CDH4: variants seen among roughly 807,000 people sequenced by gnomAD.
CDH4 encodes cadherin-4.
In CDH4, 33 loss-of-function variants were observed where a neutral mutation model predicts 86.0. The observed-to-expected ratio is 0.38, with a 90% confidence interval of 0.29 to 0.51. The LOEUF (loss-of-function observed/expected upper bound fraction) is 0.51. Ranked by LOEUF, CDH4 falls within the 20% of genes least tolerant of loss-of-function variation. The pLI, the probability that CDH4 is intolerant of heterozygous loss-of-function variation, is 0.86. For missense variants in CDH4, 1,114 were observed against 1,307.4 expected (o/e 0.85, Z 2.28); for synonymous variants, 555 against 549.4 (o/e 1.01, Z -0.14).
At chr20:61,766,719 A>C (rs1445513673) in intron 3 of CDH4, among the ~76,000 whole-genome samples, 1 of 151,858 alleles carries the variant, frequency 6.6e-6, no homozygotes, top group Non-Finnish European at 1.5e-5. Context: ...GGCCCCAAAT[A>C]ATGGTGGTGT....
chr20:61,650,883 T>C (rs1190277588), intron 2 of CDH4, among the ~76,000 whole-genome samples: 1 of 152,254 alleles, frequency 6.6e-6, no homozygotes, highest in Non-Finnish European at 1.5e-5. Flanking sequence ...AACACTTCCA[T>C]ACACAGATTA....
intron 2 of CDH4, among the ~76,000 whole-genome samples, chr20:61,347,266 T>A (rs1246649559): frequency 6.6e-6 from 1 of 152,254 alleles, no homozygotes; most frequent in Non-Finnish European, 1.5e-5. Context: ...GGCTAAATGC[T>A]TGCTCCACAC....
chr20:61,473,111 C>G, intron 2 of CDH4, among the ~76,000 whole-genome samples: 1 of 151,962 alleles, frequency 6.6e-6, no homozygotes, highest in East Asian at 1.9e-4. Context: ...ATTACATCAT[C>G]GAATGTGGAG....
In CDH4 at chr20:61,647,648, C is replaced by A. The variant is rs544635524; in HGVS notation, c.170-95915C>A. On this transcript the variant is annotated intron_variant, in intron 2 of 15. Coordinates refer to ENST00000614565, the MANE Select transcript of CDH4 (RefSeq NM_001794.5). ...CATGGGTGGGGAAGATCTTCCCCAC[C>A]AGGCTGATCCCCATCTGGGAGGCTA... is the stretch of plus-strand genomic sequence containing the variant. Among the ~76,000 whole-genome samples, 3 of 151,050 alleles carry A rather than the reference C, an allele frequency of 2.0e-5. No individual in the cohort carries two copies. In the East Asian group the frequency reaches 6.0e-4, roughly 30 times the overall value.
chr20:61,894,776 G>A lies in CDH4; in HGVS notation c.1051-134G>A, dbSNP rs905978218. ...AGGCTTGGAAAGGGCCCTGCGCCCA[G>A]CACACAGCCCCCAGTGAAAGAGAAC... On this transcript the variant is annotated intron_variant, in intron 7 of 15. Coordinates refer to ENST00000614565, the MANE Select transcript of CDH4 (RefSeq NM_001794.5). 1.8e-5 allele frequency: 17 copies of A among 968,078 alleles called. No homozygotes were observed. The African/African-American group carries it at 2.1e-4, about 12-fold the overall frequency. The allele number at this position is 968,078 out of a possible 1,614,324, so 60.0% of individuals were successfully genotyped here.
At chr20:61,291,034 G>A (rs1022983870) in intron 2 of CDH4, among the ~76,000 whole-genome samples, 2 of 152,020 alleles carry the variant, frequency 1.3e-5, no homozygotes. Flanking sequence ...CTTCCCTCGT[G>A]GGGCATCTGT....
intron 2 of CDH4, among the ~76,000 whole-genome samples, chr20:61,265,014 A>T (rs1238812484): frequency 6.7e-6 from 1 of 149,806 alleles, no homozygotes; most frequent in East Asian, 2.0e-4. Context: ...TCAGTCCTAC[A>T]CATACCCCAG....
chr20:61,936,940 T>C lies in CDH4; in HGVS notation c.2748T>C (p.Asp916=), dbSNP rs755828875. 15 of 1,565,350 alleles carry C rather than the reference T, an allele frequency of 9.6e-6. No homozygotes were observed. The highest frequency in any genetic ancestry group is 1.2e-5 in the Non-Finnish European group (14 of 1,153,838). Residue 916 remains aspartate, a synonymous_variant, in exon 16 of 16, where the codon GAT becomes GAC. Coordinates refer to ENST00000614565, the MANE Select transcript of CDH4 (RefSeq NM_001794.5). Reference sequence around the variant, plus strand: ...ACATGTATGGAGGTGGTGAAGAGGATTGACTGACCTCGCATCTTCGGACCG... The same window carrying C: ...ACATGTATGGAGGTGGTGAAGAGGACTGACTGACCTCGCATCTTCGGACCG... ...LADMYGGGEE[D] is the part of the protein sequence containing the mutation.
At position 61,348,555 on chromosome 20, in the gene CDH4, C is replaced by T. The variant is rs531797964; in HGVS notation, c.169+93618C>T. Among the ~76,000 whole-genome samples the T allele has an allele frequency of 6.6e-5, 10 of 152,226 alleles. No individual in the cohort carries two copies. In the South Asian group the frequency reaches 2.1e-3, roughly 32 times the overall value. ...TTTTTCTCATCTTAAAGCTGAGCTTCCAGTGAGAGCTTCACTTCTGTTCTC... is the reference window on the plus strand; with the variant it reads ...TTTTTCTCATCTTAAAGCTGAGCTTTCAGTGAGAGCTTCACTTCTGTTCTC... On this transcript the variant is annotated intron_variant, in intron 2 of 15. Transcript: ENST00000614565.
intron 2 of CDH4, among the ~76,000 whole-genome samples, chr20:61,525,555 G>A (rs1296316127): frequency 1.3e-5 from 2 of 152,210 alleles, no homozygotes; most frequent in Non-Finnish European, 2.9e-5. Flanking sequence ...GCCCCCTCCA[G>A]CTGCAGAAGC....
chr20:61,685,028 T>C (rs2087559001), intron 2 of CDH4, among the ~76,000 whole-genome samples: 1 of 152,186 alleles, frequency 6.6e-6, no homozygotes, highest in Admixed American at 6.5e-5. Context: ...GTCATCTAAT[T>C]GTGCAACTTA....
At chr20:61,534,648 C>CTTTCTTTTTTTTTTTTT (rs1568881693) in intron 2 of CDH4, among the ~76,000 whole-genome samples, 3 of 108,378 alleles carry the variant, frequency 2.8e-5, no homozygotes, top group African/African-American at 1.1e-4. Context: ...TTCTTTCTTT[C>CTTTCTTTTTTTTTTTTT]TTTTCTTTCT....
chr20:61,616,260 C>T (rs1213183829), intron 2 of CDH4, among the ~76,000 whole-genome samples: 3 of 152,226 alleles, frequency 2.0e-5, no homozygotes, highest in Non-Finnish European at 2.9e-5. Context: ...GATGCTGCCT[C>T]GCTGCCTTCC....
chr20:61,544,359 C>G lies in CDH4; in HGVS notation c.170-199204C>G, dbSNP rs1156327651. Among the ~76,000 whole-genome samples the G allele has an allele frequency of 2.0e-5, 3 of 151,864 alleles. No homozygotes were observed. Among genetic ancestry groups the G allele is most frequent in the Non-Finnish European group, 4.4e-5 (3 of 67,982 alleles). ...ATCCAGCTCCATGTATCACTCGTGT[C>G]CAGGCCGAGAAACCCGACGTAGAAA... On this transcript the variant is annotated intron_variant, in intron 2 of 15. Coordinates refer to ENST00000614565, the MANE Select transcript of CDH4 (RefSeq NM_001794.5). This position sits in a 1 kb window ranked among gnomAD's most constrained non-coding sequence, Gnocchi z 6.5.
chr20:61,482,016 G>A (rs539233591), intron 2 of CDH4, among the ~76,000 whole-genome samples: 162 of 152,208 alleles, frequency 1.1e-3, no homozygotes, highest in African/African-American at 3.8e-3. Context: ...AGCTGATCCC[G>A]TGCAAAAGGT....
chr20:61,330,254 T>C (rs1288316502), intron 2 of CDH4, among the ~76,000 whole-genome samples: 1 of 152,228 alleles, frequency 6.6e-6, no homozygotes, highest in Non-Finnish European at 1.5e-5. Context: ...GTTCTAGATC[T>C]TTGAGGAATC....
At chr20:61,385,057 AGGG>A (rs1424923434) in intron 2 of CDH4, among the ~76,000 whole-genome samples, 1 of 152,166 alleles carries the variant, frequency 6.6e-6, no homozygotes, top group Non-Finnish European at 1.5e-5. Flanking sequence ...GCCAAGCCCT[AGGG>A]GCGTTTTCAG....
At chr20:61,832,302 T>C (rs1403703702) in intron 4 of CDH4, among the ~76,000 whole-genome samples, 1 of 152,212 alleles carries the variant, frequency 6.6e-6, no homozygotes, top group Non-Finnish European at 1.5e-5. Flanking sequence ...TCAACCTCCC[T>C]GTGCTGCAGT....
chr20:61,396,861 C>A (rs1346281239), intron 2 of CDH4, among the ~76,000 whole-genome samples: 1 of 152,204 alleles, frequency 6.6e-6, no homozygotes, highest in East Asian at 1.9e-4. Flanking sequence ...TTTCATGATA[C>A]ACTTTTTAAT....
Sources: allele counts gnomAD v4.1 joint callset (sites outside exome capture counted in the v4.1 genomes callset), GRCh38; gene constraint gnomAD v4.1.1; non-coding constraint Gnocchi (gnomAD v3.1); transcripts MANE v1.5; gene names NCBI Gene and HGNC (gene_info 2026-07-23, HGNC 2026-07-21).